NSD1: variants seen among roughly 807,000 people sequenced by gnomAD.
The protein encoded by NSD1 is nuclear receptor binding SET domain protein 1.
Under a neutral mutation model 242.7 loss-of-function variants are expected in NSD1, and 26 were observed. That is an observed-to-expected ratio of 0.11 (90% CI 0.08 to 0.15). NSD1 has a LOEUF of 0.15. NSD1 is among the 10% of genes least tolerant of loss of function. The pLI is 1.00. For synonymous variants in NSD1, 1,106 were observed against 1,178.1 expected (o/e 0.94, Z 1.25); for missense variants, 2,495 against 3,272.8 (o/e 0.76, Z 5.80).
chr5:177,150,944 A>G (rs1192180533), intron 2 of NSD1, among the ~76,000 whole-genome samples: 2 of 152,226 alleles, frequency 1.3e-5, no homozygotes, highest in African/African-American at 2.4e-5. Flanking sequence ...TTTTAAAAAT[A>G]TGATTGTAAA....
At chr5:177,158,424 C>T (rs867858264) in intron 2 of NSD1, among the ~76,000 whole-genome samples, 5 of 151,228 alleles carry the variant, frequency 3.3e-5, no homozygotes, top group Admixed American at 1.3e-4. Flanking sequence ...CTGCAGCCTC[C>T]GCCTCTCGGG....
chr5:177,275,224 C>T (rs1248501627), intron 17 of NSD1, among the ~76,000 whole-genome samples: 2 of 151,812 alleles, frequency 1.3e-5, no homozygotes, highest in African/African-American at 4.8e-5. Context: ...AATCTGATAA[C>T]CCTACCGAAA....
chr5:177,144,868 G>A (rs1327414568), intron 2 of NSD1, among the ~76,000 whole-genome samples: 1 of 151,990 alleles, frequency 6.6e-6, no homozygotes, highest in African/African-American at 2.4e-5. Flanking sequence ...ATTATCTGAG[G>A]TCAGGAGTTC....
intron 2 of NSD1, among the ~76,000 whole-genome samples, chr5:177,144,527 T>C (rs1222182433): frequency 1.3e-5 from 2 of 152,174 alleles, no homozygotes; most frequent in African/African-American, 4.8e-5. Flanking sequence ...ATTTGTGCAA[T>C]AGGATCAATA....
intron 20 of NSD1, among the ~76,000 whole-genome samples, chr5:177,287,755 C>T (rs1759452687): frequency 6.6e-6 from 1 of 152,230 alleles, no homozygotes; most frequent in Non-Finnish European, 1.5e-5. Context: ...TGGTGAGTCT[C>T]ACTCAGTTCC....
chr5:177,195,342 C>G (rs1487261244), intron 3 of NSD1, among the ~76,000 whole-genome samples: 1 of 152,186 alleles, frequency 6.6e-6, no homozygotes, highest in Non-Finnish European at 1.5e-5. Context: ...ATGTTGATAC[C>G]TTATCCTTTG....
intron 18 of NSD1, among the ~76,000 whole-genome samples, chr5:177,282,162 A>G (rs912159777): frequency 3.9e-5 from 6 of 152,202 alleles, no homozygotes; most frequent in Admixed American, 1.3e-4. Flanking sequence ...TGGGGCAGGT[A>G]GAGATTGGCC....
At chr5:177,227,311 T>A (rs562295562) in intron 5 of NSD1, among the ~76,000 whole-genome samples, 6 of 152,306 alleles carry the variant, frequency 3.9e-5, no homozygotes, top group African/African-American at 1.4e-4. Context: ...AATAATGCCT[T>A]ATGGTCTTAA....
chr5:177,295,778 C>T lies in NSD1; in HGVS notation c.*319C>T. On this transcript the variant is annotated 3_prime_UTR_variant, in exon 23 of 23. Coordinates refer to ENST00000439151, the MANE Select transcript of NSD1 (RefSeq NM_022455.5). The surrounding 1 kb of genome is among the most constrained non-coding windows in gnomAD (Gnocchi z 4.3). ...CTGGAGTCAAGTATGGAATTCAATT[C>T]CGCTGGTCAGGTTGGAAGGTATAGG... 1 of 491,038 alleles carries T rather than the reference C, an allele frequency of 2.0e-6. No homozygotes were observed. Among genetic ancestry groups the T allele is most frequent in the Non-Finnish European group, 3.7e-6 (1 of 268,670 alleles). The allele number at this position is 491,038 out of a possible 1,614,324, so 30.4% of individuals were successfully genotyped here.
intron 2 of NSD1, among the ~76,000 whole-genome samples, chr5:177,162,580 C>T (rs1758849139): frequency 6.6e-6 from 1 of 152,112 alleles, no homozygotes; most frequent in Admixed American, 6.6e-5. Flanking sequence ...GTTTCTTTCG[C>T]CCTATTGGCT....
At chr5:177,191,392 T>G (rs1314826532) in intron 2 of NSD1, among the ~76,000 whole-genome samples, 1 of 152,208 alleles carries the variant, frequency 6.6e-6, no homozygotes, top group Non-Finnish European at 1.5e-5. Flanking sequence ...GTGCCACCAC[T>G]CCTGGCTATT....
chr5:177,140,222 CT>C (rs1756699503), intron 2 of NSD1, among the ~76,000 whole-genome samples: 1 of 152,140 alleles, frequency 6.6e-6, no homozygotes, highest in African/African-American at 2.4e-5. Flanking sequence ...TTTTCTAATT[CT>C]TCCCAGTGTA....
At chr5:177,212,957 T>C (rs900084663) in intron 5 of NSD1, among the ~76,000 whole-genome samples, 3 of 152,168 alleles carry the variant, frequency 2.0e-5, no homozygotes, top group Admixed American at 6.5e-5. Flanking sequence ...GACCATTACT[T>C]AAGATAGGTC....
At chr5:177,217,018 G>A (rs1763827745) in intron 5 of NSD1, among the ~76,000 whole-genome samples, 2 of 150,136 alleles carry the variant, frequency 1.3e-5, no homozygotes, top group Admixed American at 1.3e-4. Flanking sequence ...CACTAATTTA[G>A]GATAGTTTTT....
At chr5:177,251,952 G>A in intron 12 of NSD1, 99 bp downstream of exon 12, 1 of 1,448,322 alleles carries the variant, frequency 6.9e-7, no homozygotes, top group Non-Finnish European at 9.7e-7. Flanking sequence ...GGCAACACTG[G>A]GCTAGTTGTT....
In NSD1 at chr5:177,231,036, T is replaced by A. The variant is rs547758048; in HGVS notation, c.3797-4785T>A. Among the ~76,000 whole-genome samples, 6 of 152,160 alleles carry A rather than the reference T, an allele frequency of 3.9e-5. 1 individual carries two copies. On this transcript the variant is annotated intron_variant, in intron 5 of 22. Transcript: ENST00000439151. Reference sequence around the variant, plus strand: ...TTTGAGAGACTTTGGGATGGAATTATGACCTTGCCACCTCAATAATTAACT... The same window carrying A: ...TTTGAGAGACTTTGGGATGGAATTAAGACCTTGCCACCTCAATAATTAACT...
intron 2 of NSD1, among the ~76,000 whole-genome samples, chr5:177,181,477 G>A (rs1429070543): frequency 7.0e-6 from 1 of 141,912 alleles, no homozygotes; most frequent in Non-Finnish European, 1.5e-5. Flanking sequence ...CCAGGCTGGA[G>A]CGCATTGGCA....
rs1554173322 is a variant in NSD1, at chr5:177,159,007, T to TATATATATGAATG, written c.927+22985_927+22986insGAATGATATATAT. ...ATATATATGAATGATTTTATATATA[T>TATATATATGAATG]ATATATATATATATATATGAATGAT... On this transcript the variant is annotated intron_variant, in intron 2 of 22. Transcript: ENST00000439151. 1.4e-3 allele frequency among the ~76,000 whole-genome samples: 126 copies of TATATATATGAATG among 92,992 alleles called. 5 individuals carry two copies. The highest frequency in any genetic ancestry group is 6.3e-3 in the African/African-American group (122 of 19,456). 61.0% of individuals were successfully genotyped at this position (92,992 alleles called of 152,430 possible). A position where few individuals can be genotyped will look rare whatever the true frequency, so the allele number is the denominator to read the frequency against.
At chr5:177,202,375 AATTT>A (rs1373580393) in intron 3 of NSD1, among the ~76,000 whole-genome samples, 1 of 151,632 alleles carries the variant, frequency 6.6e-6, no homozygotes, top group South Asian at 2.1e-4. Context: ...CTGTTAATGA[AATTT>A]ATTTATTTAT....
Sources: allele counts gnomAD v4.1 joint callset (sites outside exome capture counted in the v4.1 genomes callset), GRCh38; gene constraint gnomAD v4.1.1; non-coding constraint Gnocchi (gnomAD v3.1); transcripts MANE v1.5; gene names NCBI Gene and HGNC (gene_info 2026-07-23, HGNC 2026-07-21).